The following SYT9 variants were observed in gnomAD, a reference collection of about 807,000 sequenced individuals.
SYT9 encodes synaptotagmin-9.
Under a neutral mutation model 48.4 loss-of-function variants are expected in SYT9, and 22 were observed. That is an observed-to-expected ratio of 0.45 (90% CI 0.32 to 0.65). SYT9 has a LOEUF of 0.65. SYT9 is among the 30% of genes least tolerant of loss of function. SYT9 has a pLI of 0.03. For missense variants in SYT9, 577 were observed against 622.0 expected (o/e 0.93, Z 0.77); for synonymous variants, 265 against 245.0 (o/e 1.08, Z -0.76).
rs1848108200 is a variant in SYT9, at chr11:7,454,174, C to A, written c.1468-12618C>A. ...CCTTGATGAGAGTCCAAGCCTCCAG[C>A]TCCCAGAATCACCCTTCATTTTAAT... On this transcript the variant is annotated intron_variant, in intron 6 of 6. Transcript: ENST00000318881. The A allele has an allele frequency of 4.1e-6, 4 of 985,284 alleles. No homozygotes were observed. In the South Asian group the frequency reaches 1.4e-4, roughly 35 times the overall value. The allele number at this position is 985,284 out of a possible 1,614,324, so 61.0% of individuals were successfully genotyped here.
At chr11:7,378,009 T>C (rs2134040977) in intron 3 of SYT9, among the ~76,000 whole-genome samples, 1 of 151,316 alleles carries the variant, frequency 6.6e-6, no homozygotes, top group East Asian at 2.0e-4. Context: ...GGCAAATATA[T>C]CAAATTCCAT....
intron 3 of SYT9, among the ~76,000 whole-genome samples, chr11:7,344,013 G>A (rs548359430): frequency 1.1e-3 from 163 of 152,214 alleles, no homozygotes; most frequent in African/African-American, 3.7e-3. Context: ...CTCCCACCAG[G>A]TCCCTCTCAC....
chr11:7,392,542 G>T (rs937601119), intron 3 of SYT9, among the ~76,000 whole-genome samples: 1 of 151,918 alleles, frequency 6.6e-6, no homozygotes, highest in Non-Finnish European at 1.5e-5. Flanking sequence ...GATGCCTCTG[G>T]CTTTGCTCTT....
chr11:7,457,664 A>G (rs1848172239), intron 6 of SYT9: 1 of 152,224 alleles, frequency 6.6e-6, no homozygotes, highest in Non-Finnish European at 1.5e-5. Flanking sequence ...CTAGCTCTGA[A>G]TGCCAAAGAG....
chr11:7,413,502 A>T (rs1450897660), intron 3 of SYT9, among the ~76,000 whole-genome samples: 2 of 152,052 alleles, frequency 1.3e-5, no homozygotes, highest in Non-Finnish European at 2.9e-5. Context: ...GTAAGATAGT[A>T]TGTGGTGGGA....
intron 6 of SYT9, among the ~76,000 whole-genome samples, chr11:7,453,126 C>T (rs1320698480): frequency 6.6e-6 from 1 of 151,862 alleles, no homozygotes; most frequent in Non-Finnish European, 1.5e-5. Flanking sequence ...CACCGTGGCT[C>T]ATGCCTGTAA....
chr11:7,405,092 T>TAA (rs10706521), intron 3 of SYT9, among the ~76,000 whole-genome samples: 34 of 130,302 alleles, frequency 2.6e-4, no homozygotes, highest in African/African-American at 8.2e-4. Context: ...CTGTCAAGGT[T>TAA]AAAAAAAAAA....
chr11:7,348,481 T>C (rs1849843796), intron 3 of SYT9, among the ~76,000 whole-genome samples: 2 of 152,144 alleles, frequency 1.3e-5, no homozygotes, highest in African/African-American at 4.8e-5. Flanking sequence ...CCTGCTGATA[T>C]TAAAGAATAT....
chr11:7,413,592 G>C (rs1038303329), intron 3 of SYT9, among the ~76,000 whole-genome samples: 5 of 152,154 alleles, frequency 3.3e-5, no homozygotes, highest in African/African-American at 9.7e-5. Context: ...AACCCCCCGA[G>C]CAGGCTACAT....
At chr11:7,362,683 A>G (rs571486384) in intron 3 of SYT9, among the ~76,000 whole-genome samples, 24 of 152,068 alleles carry the variant, frequency 1.6e-4, no homozygotes, top group Admixed American at 1.4e-3. Context: ...CATTATATGA[A>G]CTTTTGGTTA....
intron 3 of SYT9, among the ~76,000 whole-genome samples, chr11:7,384,062 CCACACACA>C (rs3086255): frequency 6.6e-4 from 98 of 149,178 alleles, no homozygotes; most frequent in African/African-American, 9.1e-4. Context: ...AATTCACTAG[CCACACACA>C]CACACACACA....
At chr11:7,403,168 C>T (rs1376196561) in intron 3 of SYT9, among the ~76,000 whole-genome samples, 1 of 152,152 alleles carries the variant, frequency 6.6e-6, no homozygotes, top group East Asian at 1.9e-4. Flanking sequence ...GCTTTGGCTG[C>T]ATTCCACAAA....
intron 6 of SYT9, among the ~76,000 whole-genome samples, chr11:7,432,568 AAAAAAAAAAAAAAAATATATATACATAT>A (rs1847606962): frequency 7.0e-5 from 1 of 14,242 alleles, no homozygotes; most frequent in Admixed American, 9.3e-4. Context: ...AAAAAAAAAA[AAAAAAAAAAAAAAAATATATATACATAT>A]ATATATATAT....
At chr11:7,258,806 T>C (rs1848025349) in intron 1 of SYT9, among the ~76,000 whole-genome samples, 1 of 152,136 alleles carries the variant, frequency 6.6e-6, no homozygotes, top group South Asian at 2.1e-4. Flanking sequence ...CTTTCAGCCG[T>C]GGTCCACAAA....
chr11:7,321,559 G>A (rs918985536), intron 3 of SYT9, among the ~76,000 whole-genome samples: 4 of 152,214 alleles, frequency 2.6e-5, no homozygotes, highest in Admixed American at 2.6e-4. Flanking sequence ...CTGGGGCTTA[G>A]CCCAGGAGAG....
chr11:7,389,598 C>T (rs1404618225), intron 3 of SYT9, among the ~76,000 whole-genome samples: 1 of 152,012 alleles, frequency 6.6e-6, no homozygotes, highest in Non-Finnish European at 1.5e-5. Context: ...GAATGTCCTA[C>T]AATCTTAGGC....
At chr11:7,346,279 T>C (rs573098520) in intron 3 of SYT9, among the ~76,000 whole-genome samples, 55 of 152,224 alleles carry the variant, frequency 3.6e-4, no homozygotes, top group Non-Finnish European at 6.2e-4. Flanking sequence ...ATTATTTAAA[T>C]ACTGACAGCT....
At chr11:7,253,646 A>T (rs1847914261) in intron 1 of SYT9, among the ~76,000 whole-genome samples, 1 of 152,196 alleles carries the variant, frequency 6.6e-6, no homozygotes, top group African/African-American at 2.4e-5. Flanking sequence ...AACTAAGTTT[A>T]TTGAATGATC....
At position 7,269,514 on chromosome 11, in the gene SYT9, C is replaced by T. The variant is rs374773073; in HGVS notation, c.145+17183C>T. Among the ~76,000 whole-genome samples the T allele has an allele frequency of 9.2e-5, 14 of 152,184 alleles. No homozygotes were observed. In the East Asian group the frequency reaches 1.5e-3, roughly 17 times the overall value. On this transcript the variant is annotated intron_variant, in intron 1 of 6. Coordinates refer to ENST00000318881, the MANE Select transcript of SYT9 (RefSeq NM_175733.4). Reference sequence around the variant, plus strand: ...AGAGTCTCTAGGTAGTCTTAAGATTCAGGTTCTTTCTGTCTTTCTATGTTT... The same window carrying T: ...AGAGTCTCTAGGTAGTCTTAAGATTTAGGTTCTTTCTGTCTTTCTATGTTT...
Sources: allele counts gnomAD v4.1 joint callset (sites outside exome capture counted in the v4.1 genomes callset), GRCh38; gene constraint gnomAD v4.1.1; transcripts MANE v1.5; gene names NCBI Gene and HGNC (gene_info 2026-07-23, HGNC 2026-07-21).